Variants in LARS2 observed in about 807,000 individuals in gnomAD.
The protein encoded by LARS2 is leucine--tRNA ligase, mitochondrial.
Under a neutral mutation model 116.6 loss-of-function variants are expected in LARS2, and 81 were observed. The observed-to-expected ratio is 0.69, with a 90% CI of 0.58 to 0.84. The LOEUF (loss-of-function observed/expected upper bound fraction) is 0.84. Among genes scored for constraint, LARS2 ranks in the 40% least tolerant of loss-of-function variants. LARS2 has a pLI of 0.00. For synonymous variants in LARS2, 396 were observed against 407.2 expected (o/e 0.97, Z 0.33); for missense variants, 968 against 1,114.5 (o/e 0.87, Z 1.87).
Position 45,547,704 on chromosome 3 carries a change from G to T in LARS2, c.*174G>T. On this transcript the variant is annotated 3_prime_UTR_variant, in exon 22 of 22. Coordinates refer to ENST00000645846, the MANE Select transcript of LARS2 (RefSeq NM_015340.4). The stretch of plus-strand genomic sequence containing the variant: ...GTGTGCCTCTGTAGTGTGGCCTGGT[G>T]CTGGGGTGAAGGTGAGCTGGGCAAA... The T allele has an allele frequency of 1.7e-6, 1 of 586,274 alleles. No homozygotes were observed. 36.3% of individuals were successfully genotyped at this position (586,274 alleles called of 1,614,324 possible).
At chr3:45,484,771 A>G (rs1559483754) in intron 10 of LARS2, among the ~76,000 whole-genome samples, 1 of 150,296 alleles carries the variant, frequency 6.7e-6, no homozygotes, top group African/African-American at 2.4e-5. Flanking sequence ...CCACATAAAT[A>G]TTGTTCAACT....
At chr3:45,504,395 A>G (rs1158067471) in intron 15 of LARS2, among the ~76,000 whole-genome samples, 1 of 152,094 alleles carries the variant, frequency 6.6e-6, no homozygotes, top group African/African-American at 2.4e-5. Flanking sequence ...CTCGGACCAG[A>G]TGGCCGACTC....
chr3:45,474,935 G>C (rs1699587266), intron 9 of LARS2, among the ~76,000 whole-genome samples: 1 of 152,186 alleles, frequency 6.6e-6, no homozygotes, highest in Non-Finnish European at 1.5e-5. Flanking sequence ...TAGGGATTGT[G>C]TTTGAAACTG....
At chr3:45,500,194 G>A (rs1236021196) in intron 14 of LARS2, among the ~76,000 whole-genome samples, 1 of 152,174 alleles carries the variant, frequency 6.6e-6, no homozygotes, top group Non-Finnish European at 1.5e-5. Flanking sequence ...TAGAGATGGG[G>A]TTTCGCCATG....
rs545554027 is a variant in LARS2, at chr3:45,444,221, G to A, written c.517-2670G>A. 6.4e-3 allele frequency among the ~76,000 whole-genome samples: 918 copies of A among 143,022 alleles called. 8 individuals are homozygous for A. Among genetic ancestry groups the A allele is most frequent in the African/African-American group, 0.023 (882 of 39,148 alleles). The allele number at this position is 143,022 out of a possible 152,430, so 93.8% of individuals were successfully genotyped here. On this transcript the variant is annotated intron_variant, in intron 6 of 21. Transcript: ENST00000645846. ...GTAGAGACAGGGTTTCACCGTGTTAGCGAGGATGGTCTCAATCTCCTGACC... is the reference window on the plus strand; with the variant it reads ...GTAGAGACAGGGTTTCACCGTGTTAACGAGGATGGTCTCAATCTCCTGACC...
At chr3:45,465,671 G>A (rs1408002702) in intron 8 of LARS2, among the ~76,000 whole-genome samples, 1 of 152,238 alleles carries the variant, frequency 6.6e-6, no homozygotes, top group Non-Finnish European at 1.5e-5. Context: ...CCAGGGGTTG[G>A]TACAGGGCTG....
At chr3:45,433,732 A>C (rs1698758336) in intron 6 of LARS2, among the ~76,000 whole-genome samples, 1 of 151,998 alleles carries the variant, frequency 6.6e-6, no homozygotes, top group South Asian at 2.1e-4. Context: ...TTCTTTTATT[A>C]TTTTTCTTCT....
intron 6 of LARS2, among the ~76,000 whole-genome samples, chr3:45,445,324 T>C (rs1699001059): frequency 6.6e-6 from 1 of 152,236 alleles, no homozygotes; most frequent in African/African-American, 2.4e-5. Flanking sequence ...AAATTTCTTG[T>C]CTAGAAAACT....
intron 2 of LARS2, among the ~76,000 whole-genome samples, chr3:45,392,903 G>T (rs1697980147): frequency 6.6e-6 from 1 of 152,136 alleles, no homozygotes. Flanking sequence ...GTTTTGAAAA[G>T]ATCTGTTGTC....
At chr3:45,531,279 A>G (rs1700610471) in intron 20 of LARS2, among the ~76,000 whole-genome samples, 1 of 152,224 alleles carries the variant, frequency 6.6e-6, no homozygotes. Flanking sequence ...TTAATCTAAT[A>G]GATTAATCCA....
chr3:45,498,636 T>C (rs1231623072), intron 14 of LARS2, among the ~76,000 whole-genome samples: 4 of 152,156 alleles, frequency 2.6e-5, no homozygotes, highest in Non-Finnish European at 5.9e-5. Context: ...TGGCTTGAGG[T>C]GTCAGGGAAC....
intron 6 of LARS2, among the ~76,000 whole-genome samples, chr3:45,420,346 T>C (rs1698495285): frequency 1.3e-5 from 2 of 152,186 alleles, no homozygotes; most frequent in South Asian, 4.1e-4. Flanking sequence ...CCTTTAGACT[T>C]TGAAGAATAG....
intron 6 of LARS2, 116 bp from the exon 7 acceptor site, chr3:45,446,775 C>T (rs1421628706): frequency 3.3e-6 from 2 of 597,218 alleles, no homozygotes; most frequent in African/African-American, 1.9e-5. Flanking sequence ...ATATTTTGAG[C>T]TGGTAAATAT....
intron 20 of LARS2, among the ~76,000 whole-genome samples, chr3:45,530,293 C>T (rs539408107): frequency 3.3e-5 from 5 of 152,196 alleles, no homozygotes; most frequent in East Asian, 1.9e-4. Context: ...GAGGCCGAGG[C>T]GGGCGGATCA....
intron 6 of LARS2, among the ~76,000 whole-genome samples, chr3:45,439,210 CTTTTTTTTTTTTTTTTTT>C (rs575140221): frequency 1.6e-5 from 1 of 62,458 alleles, no homozygotes; most frequent in South Asian, 7.6e-4. Flanking sequence ...GAAACTCTGG[CTTTTTTTTTTTTTTTTTT>C]TTTTTTTTTT....
intron 8 of LARS2, among the ~76,000 whole-genome samples, chr3:45,472,936 C>A (rs1321305265): frequency 6.6e-6 from 1 of 152,254 alleles, no homozygotes; most frequent in Non-Finnish European, 1.5e-5. Flanking sequence ...TATTACTTCC[C>A]TTCCCAGATG....
intron 10 of LARS2, among the ~76,000 whole-genome samples, chr3:45,482,447 G>T (rs13322487): frequency 6.6e-6 from 1 of 152,022 alleles, no homozygotes; most frequent in Admixed American, 6.5e-5. Context: ...TTTCTACATG[G>T]TTTCTGAGAG....
At chr3:45,532,818 T>A (rs1700636213) in intron 20 of LARS2, among the ~76,000 whole-genome samples, 1 of 152,030 alleles carries the variant, frequency 6.6e-6, no homozygotes, top group Non-Finnish European at 1.5e-5. Flanking sequence ...ATTTTTGTGT[T>A]TTTAGTAGAG....
intron 6 of LARS2, among the ~76,000 whole-genome samples, chr3:45,436,813 A>AG (rs1467593868): frequency 6.6e-6 from 1 of 151,674 alleles, no homozygotes; most frequent in Non-Finnish European, 1.5e-5. Flanking sequence ...AAAAAAAAAA[A>AG]AAAGAAAAGC....
Sources: allele counts gnomAD v4.1 joint callset (sites outside exome capture counted in the v4.1 genomes callset), GRCh38; gene constraint gnomAD v4.1.1; transcripts MANE v1.5; gene names NCBI Gene and HGNC (gene_info 2026-07-23, HGNC 2026-07-21).